The following RMST variants were observed in gnomAD, a reference collection of about 807,000 sequenced individuals.
RMST encodes the protein long intergenic non-protein coding RNA 54.
intron 4 of RMST, among the ~76,000 whole-genome samples, chr12:97,464,073 CA>C (rs1290412207): frequency 3.3e-5 from 5 of 151,972 alleles, no homozygotes; most frequent in Non-Finnish European, 7.4e-5. Context: ...TCAAGTAATA[CA>C]AAAAAACTCA....
intron 11 of RMST, among the ~76,000 whole-genome samples, chr12:97,536,193 T>TAA (rs1386648573): frequency 6.6e-6 from 1 of 151,466 alleles, no homozygotes; most frequent in Non-Finnish European, 1.5e-5. Flanking sequence ...CCCAATTGTT[T>TAA]ATGACAAATG....
intron 11 of RMST, among the ~76,000 whole-genome samples, chr12:97,557,055 A>C (rs1375548084): frequency 6.6e-6 from 1 of 152,190 alleles, no homozygotes; most frequent in African/African-American, 2.4e-5. Context: ...GAATACACCA[A>C]GTTATGTTTA....
intron 5 of RMST, among the ~76,000 whole-genome samples, chr12:97,488,321 C>G (rs1296465002): frequency 6.6e-6 from 1 of 152,018 alleles, no homozygotes; most frequent in Admixed American, 6.6e-5. Context: ...GAGGTTGCAG[C>G]GAGGAACCTA....
chr12:97,466,053 C>G (rs1324696717), intron 5 of RMST, among the ~76,000 whole-genome samples: 1 of 152,072 alleles, frequency 6.6e-6, no homozygotes, highest in Non-Finnish European at 1.5e-5. Flanking sequence ...ATTTCTAGAA[C>G]TAGTAAATTA....
At chr12:97,488,684 C>T (rs1876409220) in intron 5 of RMST, among the ~76,000 whole-genome samples, 1 of 152,086 alleles carries the variant, frequency 6.6e-6, no homozygotes, top group African/African-American at 2.4e-5. Context: ...GCTTCTGGGC[C>T]TCTGGGGTTT....
At chr12:97,515,763 G>A (rs1879861038) in intron 10 of RMST, among the ~76,000 whole-genome samples, 1 of 151,936 alleles carries the variant, frequency 6.6e-6, no homozygotes, top group Non-Finnish European at 1.5e-5. Context: ...GGTGGGGTAA[G>A]AATAAAAAAA....
At chr12:97,473,561 C>T (rs1874186828) in intron 5 of RMST, among the ~76,000 whole-genome samples, 1 of 152,122 alleles carries the variant, frequency 6.6e-6, no homozygotes, top group Non-Finnish European at 1.5e-5. Flanking sequence ...CTAACACATT[C>T]TATGTGATGG....
At position 97,467,515 on chromosome 12, in the gene RMST, G is replaced by T. The variant is rs553333414; in HGVS notation, n.644+1788G>T. ...TAATTAGTCAGAATATAATATTGCTGAATTAACACACCATTAGTGTAATTT... is the reference window on the plus strand; with the variant it reads ...TAATTAGTCAGAATATAATATTGCTTAATTAACACACCATTAGTGTAATTT... On this transcript the variant is annotated intron_variant and non_coding_transcript_variant, in intron 5 of 13. Transcript: ENST00000640149. Among the ~76,000 whole-genome samples the T allele has an allele frequency of 3.3e-5, 5 of 152,038 alleles. No homozygotes were observed. In the South Asian group the frequency reaches 1.0e-3, roughly 32 times the overall value.
At chr12:97,538,414 T>A (rs190927749) in intron 11 of RMST, among the ~76,000 whole-genome samples, 98 of 151,546 alleles carry the variant, frequency 6.5e-4, no homozygotes, top group South Asian at 4.1e-4. Context: ...ATCTTTACTT[T>A]CTGCTGTGGC....
At chr12:97,477,269 T>G (rs1198473331) in intron 5 of RMST, among the ~76,000 whole-genome samples, 1 of 152,018 alleles carries the variant, frequency 6.6e-6, no homozygotes, top group Non-Finnish European at 1.5e-5. Context: ...TGTGGTGAGG[T>G]CCATGGATAA....
intron 11 of RMST, among the ~76,000 whole-genome samples, chr12:97,559,426 C>G (rs547566318): frequency 1.3e-5 from 2 of 152,294 alleles, no homozygotes; most frequent in African/African-American, 4.8e-5. Flanking sequence ...TCTCCACTTA[C>G]TGTCAGAGCT....
chr12:97,516,351 C>A (rs1879928366), intron 10 of RMST, among the ~76,000 whole-genome samples: 1 of 151,978 alleles, frequency 6.6e-6, no homozygotes, highest in Non-Finnish European at 1.5e-5. Flanking sequence ...ATTGCCGTCA[C>A]ATTTTGTAAA....
chr12:97,553,184 CT>C (rs549932382), intron 11 of RMST, among the ~76,000 whole-genome samples: 3 of 152,086 alleles, frequency 2.0e-5, no homozygotes, highest in Non-Finnish European at 2.9e-5. Flanking sequence ...TGTGACCCAT[CT>C]TTTTTTTATT....
chr12:97,558,078 C>T (rs550840656), intron 11 of RMST, among the ~76,000 whole-genome samples: 1 of 152,054 alleles, frequency 6.6e-6, no homozygotes, highest in Non-Finnish European at 1.5e-5. Flanking sequence ...CTCCTTTCTA[C>T]CCTCTTCCTT....
chr12:97,478,214 G>A (rs552359607), intron 5 of RMST, among the ~76,000 whole-genome samples: 92 of 152,288 alleles, frequency 6.0e-4, no homozygotes, highest in Admixed American at 3.7e-3. Flanking sequence ...TATAGCTATC[G>A]TTCCTAATTA....
chr12:97,563,078 T>G (rs1286568798), intron 13 of RMST, among the ~76,000 whole-genome samples: 1 of 152,148 alleles, frequency 6.6e-6, no homozygotes, highest in African/African-American at 2.4e-5. Flanking sequence ...CATGGCCACT[T>G]ATAAGTGTTT....
At chr12:97,563,197 T>C (rs1239227630) in intron 13 of RMST, 1 of 152,774 alleles carries the variant, frequency 6.5e-6, no homozygotes, top group Non-Finnish European at 1.5e-5. Context: ...GTATTGTTTC[T>C]GGCATCGTTC....
At chr12:97,521,720 A>C (rs1403509156) in intron 10 of RMST, among the ~76,000 whole-genome samples, 2 of 152,314 alleles carry the variant, frequency 1.3e-5, no homozygotes, top group East Asian at 3.9e-4. Context: ...GAAATGTGAA[A>C]GGTTACTCAA....
intron 7 of RMST, chr12:97,493,375 T>C (rs978405178): frequency 6.6e-6 from 1 of 152,638 alleles, no homozygotes; most frequent in Non-Finnish European, 1.5e-5. Context: ...TAAGTCTGAT[T>C]TGAAACTGTA....
Sources: allele counts gnomAD v4.1 joint callset (sites outside exome capture counted in the v4.1 genomes callset), GRCh38; gene constraint gnomAD v4.1.1; transcripts MANE v1.5; gene names NCBI Gene and HGNC (gene_info 2026-07-23, HGNC 2026-07-21).